PRKCB: variants seen among roughly 807,000 people sequenced by gnomAD.
The protein encoded by PRKCB is protein kinase C beta.
Under a neutral mutation model 81.5 loss-of-function variants are expected in PRKCB, and 13 were observed. The ratio of observed to expected loss-of-function variants is 0.16; its 90% confidence interval spans 0.10 to 0.25. PRKCB has a LOEUF of 0.25. Ranked by LOEUF, PRKCB falls within the 10% of genes least tolerant of loss-of-function variation. The pLI, the probability that PRKCB is intolerant of heterozygous loss-of-function variation, is 1.00. For missense variants in PRKCB, 509 were observed against 875.7 expected, an observed-to-expected ratio of 0.58 and a Z score of 5.29; for synonymous variants, 335 against 321.4, an observed-to-expected ratio of 1.04 and a Z score of -0.45.
intron 9 of PRKCB, 100 bp from the exon 10 acceptor site, chr16:24,154,584 C>T: frequency 1.7e-6 from 2 of 1,149,508 alleles, no homozygotes. Context: ...ACAGAAGGCA[C>T]CTATACAAAG....
intron 11 of PRKCB, chr16:24,174,267 T>C (rs965436993): frequency 4.9e-5 from 21 of 430,298 alleles, no homozygotes; most frequent in Middle Eastern, 6.3e-4. Flanking sequence ...TCATATCCCA[T>C]GTCCCCTTCT....
rs1202300578 is a variant in PRKCB at position 24,219,996 on chromosome 16, G to A, written c.*5180G>A. ...GAGACACCTCCAACTTCGACAAAGA[G>A]TTCACCAGACAGCCTGTGGAACTGA... On this transcript the variant is annotated 3_prime_UTR_variant, in exon 17 of 17. Transcript: ENST00000643927. The A allele has an allele frequency of 1.2e-6, 2 of 1,613,996 alleles. No individual in the cohort carries two copies. The highest frequency in any genetic ancestry group is 2.7e-5 in the African/African-American group (2 of 74,910).
At chr16:24,118,369 G>A (rs750763336) in intron 8 of PRKCB, among the ~76,000 whole-genome samples, 11 of 152,326 alleles carry the variant, frequency 7.2e-5, no homozygotes, top group South Asian at 4.1e-4. Context: ...TATAATTATT[G>A]TCTCCCCCTT....
intron 5 of PRKCB, among the ~76,000 whole-genome samples, chr16:24,081,813 G>A (rs558825585): frequency 1.3e-5 from 2 of 152,192 alleles, no homozygotes; most frequent in Non-Finnish European, 2.9e-5. Flanking sequence ...AGAGGTTGCA[G>A]TGAGCTGAGA....
chr16:24,218,083 G>A lies in PRKCB; in HGVS notation c.*3267G>A, dbSNP rs1418907332. The A allele has an allele frequency of 3.0e-6, 3 of 985,092 alleles. No homozygotes were observed. The highest frequency in any genetic ancestry group is 2.4e-6 in the Non-Finnish European group (2 of 829,832). 61.0% of individuals were successfully genotyped at this position (985,092 alleles called of 1,614,324 possible). ...GTGCCAGGCACTATTCTTAGCACTGGAAATACACTAGTGAAGAAGCAGATG... is the reference window on the plus strand; with the variant it reads ...GTGCCAGGCACTATTCTTAGCACTGAAAATACACTAGTGAAGAAGCAGATG... On this transcript the variant is annotated 3_prime_UTR_variant, in exon 17 of 17. Coordinates refer to ENST00000643927, the MANE Select transcript of PRKCB (RefSeq NM_002738.7).
Position 23,867,050 on chromosome 16 carries a change from T to TTCTC in PRKCB, c.205+29656_205+29659dup, listed in dbSNP as rs1356254019. ...CTTCCTTCCTTCCTTCCTTCCTTCC[T>TTCTC]TCTCTCTCTCTCTCTTTCTTTCTTT... is the stretch of plus-strand genomic sequence containing the variant. On this transcript the variant is annotated intron_variant, in intron 2 of 16. Transcript: ENST00000643927. Among the ~76,000 whole-genome samples, 24 of 56,192 alleles carry TTCTC rather than the reference T, an allele frequency of 4.3e-4. 1 individual carries two copies. Among genetic ancestry groups the TTCTC allele is most frequent in the African/African-American group, 1.3e-3 (18 of 14,308 alleles). 36.9% of individuals were successfully genotyped at this position (56,192 alleles called of 152,430 possible). A position where few individuals can be genotyped will look rare whatever the true frequency, so the allele number is the denominator to read the frequency against.
intron 2 of PRKCB, among the ~76,000 whole-genome samples, chr16:23,866,912 C>CCTTCT (rs539738663): frequency 5.9e-5 from 9 of 151,606 alleles, no homozygotes; most frequent in Non-Finnish European, 1.0e-4. Flanking sequence ...TTTCCTGTCC[C>CCTTCT]CTTCTCTTCT....
rs367894275 is a variant in PRKCB at position 24,220,129 on chromosome 16, A to T, written c.*5313A>T. The T allele has an allele frequency of 6.8e-6, 11 of 1,613,936 alleles. No homozygotes were observed. In the East Asian group the frequency reaches 2.2e-4, roughly 33 times the overall value. The stretch of plus-strand genomic sequence containing the variant: ...TAATGTGTAGGTGAATGCAAACTCC[A>T]TCGTTGAGCCTGGGGTGTAAGACTT... On this transcript the variant is annotated 3_prime_UTR_variant, in exon 17 of 17. Coordinates refer to ENST00000643927, the MANE Select transcript of PRKCB (RefSeq NM_002738.7).
chr16:24,155,687 T>C (rs1318944500), intron 10 of PRKCB, among the ~76,000 whole-genome samples: 3 of 152,226 alleles, frequency 2.0e-5, no homozygotes, highest in Non-Finnish European at 4.4e-5. Context: ...CCAACCCATA[T>C]ATGAGATGGG....
chr16:23,846,956 G>C (rs1597207027), intron 2 of PRKCB, among the ~76,000 whole-genome samples: 1 of 151,998 alleles, frequency 6.6e-6, no homozygotes. Flanking sequence ...GGTCTCCTGG[G>C]CATCTCCTTC....
chr16:24,213,911 T>C (rs1968184034), intron 16 of PRKCB, among the ~76,000 whole-genome samples: 1 of 152,226 alleles, frequency 6.6e-6, no homozygotes, highest in Non-Finnish European at 1.5e-5. Context: ...GTTTTCTCTC[T>C]AGAACCTGAT....
intron 3 of PRKCB, among the ~76,000 whole-genome samples, chr16:24,013,250 T>C (rs766628075): frequency 3.0e-4 from 46 of 152,254 alleles, no homozygotes; most frequent in Non-Finnish European, 5.1e-4. Flanking sequence ...AAATATTAGG[T>C]TGGTGCAAAA....
intron 10 of PRKCB, among the ~76,000 whole-genome samples, chr16:24,166,469 T>G (rs1967348884): frequency 1.3e-5 from 2 of 152,018 alleles, no homozygotes; most frequent in South Asian, 4.2e-4. Flanking sequence ...TGAATTTTAC[T>G]CCCCCTCTCC....
At chr16:23,959,743 C>T (rs767409704) in intron 2 of PRKCB, among the ~76,000 whole-genome samples, 2 of 152,192 alleles carry the variant, frequency 1.3e-5, no homozygotes, top group South Asian at 2.1e-4. Flanking sequence ...ATCACTCCCC[C>T]AGAAGGTCAC....
At chr16:24,156,004 T>A (rs1361926930) in intron 10 of PRKCB, among the ~76,000 whole-genome samples, 2 of 152,198 alleles carry the variant, frequency 1.3e-5, no homozygotes, top group African/African-American at 2.4e-5. Flanking sequence ...GCTTGTTGTC[T>A]CTCATAGTGA....
chr16:24,016,713 G>T (rs1383267685), intron 3 of PRKCB, among the ~76,000 whole-genome samples: 1 of 152,124 alleles, frequency 6.6e-6, no homozygotes, highest in African/African-American at 2.4e-5. Flanking sequence ...ACACAAGAAG[G>T]CTCAAATTAC....
At chr16:24,141,181 T>TTTTG (rs1234495174) in intron 9 of PRKCB, among the ~76,000 whole-genome samples, 1 of 152,088 alleles carries the variant, frequency 6.6e-6, no homozygotes, top group Non-Finnish European at 1.5e-5. Flanking sequence ...GACCTCTTGC[T>TTTTG]TTTGTTTGTT....
intron 10 of PRKCB, among the ~76,000 whole-genome samples, chr16:24,167,780 G>C (rs1967371205): frequency 6.6e-6 from 1 of 152,148 alleles, no homozygotes; most frequent in Non-Finnish European, 1.5e-5. Context: ...TGAGAGTGTA[G>C]AGTCTGGAAC....
At chr16:24,172,243 A>C (rs762436926) in intron 10 of PRKCB, 27 bp from the exon 11 acceptor site, 1 of 1,571,234 alleles carries the variant, frequency 6.4e-7, no homozygotes, top group South Asian at 1.1e-5. Context: ...CGGGATGCTA[A>C]TGTTGCTGTT....
Sources: gnomAD v4.1 joint callset for allele counts (sites outside exome capture counted in the v4.1 genomes callset) on GRCh38, gnomAD v4.1.1 for gene constraint, MANE v1.5 for transcripts, NCBI Gene and HGNC (gene_info 2026-07-23, HGNC 2026-07-21) for gene names.